The following ZNF334 variants were observed in gnomAD, a reference collection of about 807,000 sequenced individuals.
The protein encoded by ZNF334 is zinc finger protein 334.
Under a neutral mutation model 12.4 loss-of-function variants are expected in ZNF334, and 14 were observed. That is an observed-to-expected ratio of 1.13 (90% CI 0.74 to 1.76). The LOEUF is 1.76. ZNF334 is among the 40% of genes most tolerant of loss of function. The pLI is 0.00. For synonymous variants in ZNF334, 273 were observed against 269.6 expected, an observed-to-expected ratio of 1.01 and a Z score of -0.12; for missense variants, 797 against 804.5, an observed-to-expected ratio of 0.99 and a Z score of 0.11.
chr20:46,479,631 C>G, the ZNF334 span, among the ~76,000 whole-genome samples: 1 of 152,210 alleles, frequency 6.6e-6, no homozygotes, highest in Non-Finnish European at 1.5e-5. Flanking sequence ...TTCTCTGACA[C>G]TTTGAAATGG....
chr20:46,488,419 T>TATATATATATATATATATATATATA, the ZNF334 span, among the ~76,000 whole-genome samples: 6 of 102,226 alleles, frequency 5.9e-5, no homozygotes, highest in South Asian at 2.8e-4. Flanking sequence ...AGCTCTTATT[T>TATATATATATATATATATATATATA]TATATATATA....
At chr20:46,507,776 C>T (rs535490560) in intron 2 of ZNF334, among the ~76,000 whole-genome samples, 110 of 152,290 alleles carry the variant, frequency 7.2e-4, no homozygotes, top group African/African-American at 2.5e-3. Context: ...AGGCCTTTCC[C>T]GCTATCACCA....
At chr20:46,462,989 G>C in the ZNF334 span, among the ~76,000 whole-genome samples, 1 of 152,198 alleles carries the variant, frequency 6.6e-6, no homozygotes, top group Non-Finnish European at 1.5e-5. Flanking sequence ...GCTCACGCTT[G>C]TAATCCCAGC....
chr20:46,506,621 A>G, intron 2 of ZNF334: 1 of 325,338 alleles, frequency 3.1e-6, no homozygotes, highest in Non-Finnish European at 5.5e-6. Flanking sequence ...CTCATCTCAA[A>G]AAAACAAAAA....
the ZNF334 span, chr20:46,481,428 T>C: frequency 6.6e-6 from 1 of 152,146 alleles, no homozygotes; most frequent in Non-Finnish European, 1.5e-5. Context: ...TGACCCAAGA[T>C]TTAGGATTCA....
chr20:46,471,837 A>G, the ZNF334 span, among the ~76,000 whole-genome samples: 2 of 152,174 alleles, frequency 1.3e-5, no homozygotes, highest in East Asian at 3.8e-4. Context: ...TAATTTTAAA[A>G]TAAGTCTTAA....
At chr20:46,476,187 T>C in the ZNF334 span, 1 of 152,200 alleles carries the variant, frequency 6.6e-6, no homozygotes, top group Non-Finnish European at 1.5e-5. Context: ...TATAACATTC[T>C]TGAAACGATA....
chr20:46,465,060 A>C, the ZNF334 span: 2 of 313,580 alleles, frequency 6.4e-6, no homozygotes, highest in Non-Finnish European at 6.3e-6. Context: ...GAGGGAATGC[A>C]AGTAGCGACA....
the ZNF334 span, among the ~76,000 whole-genome samples, chr20:46,482,030 G>T: frequency 1.3e-5 from 2 of 152,106 alleles, no homozygotes; most frequent in African/African-American, 4.8e-5. Context: ...ACAGGCAGGG[G>T]GATGCTATGT....
At chr20:46,496,771 G>A (rs1379707467), downstream of ZNF334, 1 of 152,284 alleles carries the variant, frequency 6.6e-6, no homozygotes, top group African/African-American at 2.4e-5. Flanking sequence ...CTTTCCCCAG[G>A]ATCTCCTCCA....
At chr20:46,471,602 T>G in the ZNF334 span, among the ~76,000 whole-genome samples, 4 of 152,196 alleles carry the variant, frequency 2.6e-5, no homozygotes, top group Non-Finnish European at 5.9e-5. Flanking sequence ...CAATTAGAGA[T>G]AAATTCACAT....
At chr20:46,493,369 T>C in the ZNF334 span, among the ~76,000 whole-genome samples, 2 of 152,246 alleles carry the variant, frequency 1.3e-5, no homozygotes, top group African/African-American at 4.8e-5. Context: ...GGAGAACTTT[T>C]GCTAGTAGAC....
chr20:46,482,320 G>T, the ZNF334 span, among the ~76,000 whole-genome samples: 548 of 152,262 alleles, frequency 3.6e-3, 6 homozygotes, highest in African/African-American at 0.013. Context: ...GTAAATGATG[G>T]AGATCACGTT....
chr20:46,481,363 A>T, the ZNF334 span: 3 of 152,198 alleles, frequency 2.0e-5, no homozygotes, highest in Non-Finnish European at 4.4e-5. Context: ...CATTCAACAA[A>T]CTGCTCAAGG....
Position 46,502,040 on chromosome 20 carries a change from A to G in ZNF334, c.1299T>C (p.Tyr433=). ...AAAATTTTCCACATTGACTGCATTC[A>G]TAGGGCTTCTCTCCTGTATGACTTC... is the stretch of plus-strand genomic sequence containing the variant. ...HRRSHTGEKP[Y]ECSQCGKFLC... is the part of the protein sequence containing the mutation. Residue 433 remains tyrosine (Y), a synonymous_variant, in exon 5 of 5, where the codon TAT becomes TAC. Transcript: ENST00000692313. 6.2e-7 allele frequency: 1 copy of G among 1,614,164 alleles called. No individual in the cohort carries two copies. The highest frequency in any genetic ancestry group is 1.1e-5 in the South Asian group (1 of 91,086).
At position 46,512,121 on chromosome 20, in the gene ZNF334, C is replaced by G. The variant is rs762123322; in HGVS notation, c.-19G>C. On this transcript the variant is annotated 5_prime_UTR_variant, in exon 2 of 5. Coordinates refer to ENST00000692313, the MANE Select transcript of ZNF334 (RefSeq NM_001353824.2). ...TTTTCATGTTCTCTTGAGAAAGGGCCAAGAGTGTTGAAAGCAGAGCTGGGT... is the reference window on the plus strand; with the variant it reads ...TTTTCATGTTCTCTTGAGAAAGGGCGAAGAGTGTTGAAAGCAGAGCTGGGT... The G allele has an allele frequency of 7.2e-5, 116 of 1,613,440 alleles. No individual in the cohort carries two copies. The highest frequency in any genetic ancestry group is 6.6e-4 in the Middle Eastern group (4 of 6,082).
chr20:46,479,729 G>A, the ZNF334 span, among the ~76,000 whole-genome samples: 1 of 152,184 alleles, frequency 6.6e-6, no homozygotes, highest in South Asian at 2.1e-4. Context: ...ATCTAGGAGA[G>A]ATTAACTAAG....
the ZNF334 span, among the ~76,000 whole-genome samples, chr20:46,471,887 T>C: frequency 1.3e-5 from 2 of 152,206 alleles, no homozygotes; most frequent in Admixed American, 6.5e-5. Context: ...TTCTTCAAGA[T>C]TGGCTGGGCT....
downstream of ZNF334, among the ~76,000 whole-genome samples, chr20:46,497,743 AT>A (rs1280984245): frequency 6.6e-6 from 1 of 152,232 alleles, no homozygotes; most frequent in Non-Finnish European, 1.5e-5. Context: ...AATAACACCA[AT>A]TTATAAAACT....
Sources: gnomAD v4.1 joint callset for allele counts (sites outside exome capture counted in the v4.1 genomes callset) on GRCh38, gnomAD v4.1.1 for gene constraint, MANE v1.5 for transcripts, NCBI Gene and HGNC (gene_info 2026-07-23, HGNC 2026-07-21) for gene names.